The following FSTL5 variants were observed in gnomAD, a reference collection of about 807,000 sequenced individuals.
FSTL5 encodes the protein follistatin like 5.
FSTL5 carries 62 observed loss-of-function variants against 89.1 expected under a neutral mutation model. The ratio of observed to expected loss-of-function variants is 0.70; its 90% CI spans 0.57 to 0.86. FSTL5 has a LOEUF of 0.86. FSTL5 is among the 40% of genes least tolerant of loss of function. The pLI, the probability that FSTL5 is intolerant of heterozygous loss-of-function variation, is 0.00. For missense variants in FSTL5, 1,057 were observed against 1,001.6 expected, an observed-to-expected ratio of 1.06 and a Z score of -0.75; for synonymous variants, 383 against 346.2, an observed-to-expected ratio of 1.11 and a Z score of -1.18.
chr4:161,571,158 A>G (rs1732994323), intron 8 of FSTL5, among the ~76,000 whole-genome samples: 1 of 152,080 alleles, frequency 6.6e-6, no homozygotes, highest in Admixed American at 6.6e-5. Flanking sequence ...GAAACATAGT[A>G]AAAAGAATCT....
At chr4:161,826,481 A>G (rs1268939182) in intron 4 of FSTL5, among the ~76,000 whole-genome samples, 1 of 152,104 alleles carries the variant, frequency 6.6e-6, no homozygotes, top group East Asian at 1.9e-4. Context: ...CCGTCAGTGA[A>G]GTACTGAAGT....
chr4:161,633,702 G>A (rs528559633), intron 7 of FSTL5, among the ~76,000 whole-genome samples: 1 of 152,018 alleles, frequency 6.6e-6, no homozygotes, highest in South Asian at 2.1e-4. Context: ...TATCATGCTA[G>A]AGTGTTTAGT....
intron 7 of FSTL5, among the ~76,000 whole-genome samples, chr4:161,627,738 T>G (rs941216911): frequency 1.3e-5 from 2 of 152,152 alleles, no homozygotes; most frequent in African/African-American, 4.8e-5. Context: ...ATGACAATTT[T>G]GAATATCATG....
At chr4:161,891,922 A>G (rs1303451964) in intron 4 of FSTL5, among the ~76,000 whole-genome samples, 1 of 152,066 alleles carries the variant, frequency 6.6e-6, no homozygotes, top group South Asian at 2.1e-4. Context: ...ATTGAGGCTT[A>G]TATTAGTCTT....
At chr4:162,002,112 A>G (rs192519477) in intron 3 of FSTL5, among the ~76,000 whole-genome samples, 2 of 152,310 alleles carry the variant, frequency 1.3e-5, no homozygotes, top group Admixed American at 1.3e-4. Flanking sequence ...CTACTATATA[A>G]ATATGGACTC....
At chr4:162,153,652 T>C (rs1451701200) in intron 1 of FSTL5, among the ~76,000 whole-genome samples, 1 of 122,346 alleles carries the variant, frequency 8.2e-6, no homozygotes, top group African/African-American at 3.0e-5. Flanking sequence ...GTATATTATA[T>C]ATGTATATAA....
chr4:161,938,061 A>G (rs949399049), intron 3 of FSTL5, among the ~76,000 whole-genome samples: 36 of 152,054 alleles, frequency 2.4e-4, no homozygotes, highest in African/African-American at 6.0e-4. Context: ...TCTTCCTTAC[A>G]TCACTTTAAT....
At chr4:162,094,911 A>T (rs1388161736) in intron 2 of FSTL5, among the ~76,000 whole-genome samples, 2 of 152,186 alleles carry the variant, frequency 1.3e-5, no homozygotes, top group African/African-American at 2.4e-5. Flanking sequence ...CAGGAAATAA[A>T]TAAAGAAATT....
chr4:161,740,798 G>A (rs555636721), intron 6 of FSTL5, among the ~76,000 whole-genome samples: 40 of 152,152 alleles, frequency 2.6e-4, no homozygotes, highest in African/African-American at 8.2e-4. Context: ...GTTGGGCTGC[G>A]GTAACAACAC....
chr4:161,985,678 T>C (rs1230571024), intron 3 of FSTL5, among the ~76,000 whole-genome samples: 3 of 151,800 alleles, frequency 2.0e-5, no homozygotes, highest in South Asian at 2.1e-4. Context: ...TAAATATCCA[T>C]ATACTTATAT....
At chr4:161,618,927 T>G (rs1204557146) in intron 7 of FSTL5, among the ~76,000 whole-genome samples, 2 of 152,216 alleles carry the variant, frequency 1.3e-5, no homozygotes, top group African/African-American at 4.8e-5. Flanking sequence ...TCATGATACC[T>G]GACTTCAAAC....
intron 1 of FSTL5, among the ~76,000 whole-genome samples, chr4:162,116,664 G>A (rs543132747): frequency 6.6e-6 from 1 of 152,274 alleles, no homozygotes; most frequent in East Asian, 1.9e-4. Flanking sequence ...TAGTCTTTTG[G>A]TGGTCTGCTG....
chr4:161,793,529 G>A (rs554124426), intron 4 of FSTL5, among the ~76,000 whole-genome samples: 450 of 152,270 alleles, frequency 3.0e-3, no homozygotes, highest in Non-Finnish European at 5.0e-3. Context: ...ACTCTAATGT[G>A]ATGAAAGAAT....
chr4:161,730,212 A>G (rs1281950672), intron 6 of FSTL5, among the ~76,000 whole-genome samples: 1 of 152,142 alleles, frequency 6.6e-6, no homozygotes, highest in Admixed American at 6.5e-5. Context: ...AGAGCTTTGA[A>G]TGAAATTAAT....
At chr4:161,932,036 G>T (rs1177875643) in intron 3 of FSTL5, among the ~76,000 whole-genome samples, 1 of 151,812 alleles carries the variant, frequency 6.6e-6, no homozygotes, top group Non-Finnish European at 1.5e-5. Context: ...TTAGAGTAAC[G>T]GTTCTAATTG....
chr4:161,746,699 C>G (rs540646197), intron 6 of FSTL5, among the ~76,000 whole-genome samples: 1 of 152,238 alleles, frequency 6.6e-6, no homozygotes, highest in African/African-American at 2.4e-5. Context: ...TCATAAATGA[C>G]CTCTCAAATG....
intron 11 of FSTL5, among the ~76,000 whole-genome samples, chr4:161,508,047 T>C (rs1359928541): frequency 6.6e-6 from 1 of 152,034 alleles, no homozygotes; most frequent in Non-Finnish European, 1.5e-5. Context: ...ATGTAGCTCA[T>C]ATTTATTTTA....
intron 15 of FSTL5, among the ~76,000 whole-genome samples, chr4:161,397,597 C>T (rs887916036): frequency 1.3e-5 from 2 of 150,668 alleles, no homozygotes; most frequent in East Asian, 2.0e-4. Flanking sequence ...TAGTATTTGA[C>T]GATTGGTATT....
chr4:162,007,367 T>A (rs1325444560), intron 3 of FSTL5, among the ~76,000 whole-genome samples: 1 of 151,810 alleles, frequency 6.6e-6, no homozygotes, highest in Non-Finnish European at 1.5e-5. Context: ...AAAGGAGCTA[T>A]AAGTAATTAC....
Sources: gnomAD v4.1 joint callset for allele counts (sites outside exome capture counted in the v4.1 genomes callset) on GRCh38, gnomAD v4.1.1 for gene constraint, MANE v1.5 for transcripts, NCBI Gene and HGNC (gene_info 2026-07-23, HGNC 2026-07-21) for gene names.